Variants in SCAMP1 observed in about 807,000 individuals in gnomAD.
SCAMP1 encodes the protein secretory carrier-associated membrane protein 1.
In SCAMP1, 15 loss-of-function variants were observed where a neutral mutation model predicts 41.8. That is an observed-to-expected ratio of 0.36 (90% confidence interval 0.24 to 0.55). The LOEUF (loss-of-function observed/expected upper bound fraction) is 0.55. Ranked by LOEUF, SCAMP1 falls within the 20% of genes least tolerant of loss-of-function variation. The pLI is 0.86. For missense variants in SCAMP1, 341 were observed against 412.6 expected (o/e 0.83, Z 1.50); for synonymous variants, 135 against 136.8 (o/e 0.99, Z 0.09).
intron 6 of SCAMP1, among the ~76,000 whole-genome samples, chr5:78,439,066 G>A (rs1225684817): frequency 6.6e-6 from 1 of 152,084 alleles, no homozygotes; most frequent in African/African-American, 2.4e-5. Context: ...CCATTTGCTT[G>A]GTAGATCTTC....
In SCAMP1 at chr5:78,421,833, G is replaced by A. The variant is rs546816103; in HGVS notation, c.505G>A (p.Gly169Arg). ...HAVTLFLNIF[G>R]CLAWFCVDSA... ...AGTAACACTGTTTCTAAATATCTTC[G>A]GATGCTTGGCTTGGTTTTGTGTTGA... Residue 169 changes from glycine to arginine, a missense_variant, in exon 6 of 9, where the codon GGA becomes AGA. Physicochemically the swap from Gly to Arg is moderately radical, Grantham distance 125 (BLOSUM62 -2). Transcript: ENST00000621999. The A allele has an allele frequency of 2.5e-6, 4 of 1,613,564 alleles. No individual in the cohort carries two copies. Among genetic ancestry groups the A allele is most frequent in the Middle Eastern group, 1.7e-4 (1 of 6,056 alleles).
intron 2 of SCAMP1, among the ~76,000 whole-genome samples, chr5:78,412,836 A>G (rs922387054): frequency 2.0e-5 from 3 of 152,200 alleles, no homozygotes; most frequent in African/African-American, 4.8e-5. Flanking sequence ...CTAGTCCATG[A>G]TTTGACTTTT....
At chr5:78,391,313 G>C (rs369263145) in intron 2 of SCAMP1, among the ~76,000 whole-genome samples, 2 of 129,974 alleles carry the variant, frequency 1.5e-5, no homozygotes, top group Non-Finnish European at 3.4e-5. Flanking sequence ...CGGACGGGGC[G>C]GCTGGCCGGG....
rs1281432078 is a variant in SCAMP1 at position 78,389,033 on chromosome 5, A to G, written c.135+119A>G. The G allele has an allele frequency of 1.9e-5, 10 of 526,540 alleles. No homozygotes were observed. The East Asian group carries it at 3.2e-4, about 17-fold the overall frequency. The allele number at this position is 526,540 out of a possible 1,614,324, so 32.6% of individuals were successfully genotyped here. On this transcript the variant is annotated intron_variant, in intron 2 of 8. Coordinates refer to ENST00000621999, the MANE Select transcript of SCAMP1 (RefSeq NM_004866.6). Reference sequence around the variant, plus strand: ...AAATAAAACAAATTGTTAATGTTTTATTTAGTATTCAGCAAACTTGGATTT... The same window carrying G: ...AAATAAAACAAATTGTTAATGTTTTGTTTAGTATTCAGCAAACTTGGATTT...
intron 7 of SCAMP1, among the ~76,000 whole-genome samples, chr5:78,457,368 G>A (rs1171315558): frequency 4.6e-5 from 7 of 151,932 alleles, no homozygotes; most frequent in Non-Finnish European, 8.8e-5. Flanking sequence ...TTTTTGGTGT[G>A]GATGTCCTTT....
chr5:78,423,431 GTTTGT>G (rs377583093), intron 6 of SCAMP1, among the ~76,000 whole-genome samples: 157 of 152,116 alleles, frequency 1.0e-3, no homozygotes, highest in African/African-American at 3.3e-3. Context: ...TTTTTTGTTA[GTTTGT>G]TTTGTTTTGT....
chr5:78,458,624 G>A (rs1257258832), intron 7 of SCAMP1, among the ~76,000 whole-genome samples: 3 of 152,138 alleles, frequency 2.0e-5, no homozygotes, highest in Admixed American at 6.6e-5. Flanking sequence ...AGTGGCTCAC[G>A]CTATAATCCC....
chr5:78,441,094 A>G (rs548399123), intron 6 of SCAMP1, among the ~76,000 whole-genome samples: 40 of 152,310 alleles, frequency 2.6e-4, no homozygotes, highest in Non-Finnish European at 5.6e-4. Context: ...CCGATTTTCC[A>G]GGTACCATCT....
chr5:78,424,864 CTAT>C (rs1752427629), intron 6 of SCAMP1, among the ~76,000 whole-genome samples: 1 of 152,146 alleles, frequency 6.6e-6, no homozygotes, highest in Non-Finnish European at 1.5e-5. Context: ...TGTTGAGTAA[CTAT>C]TAGAAACAGA....
chr5:78,415,322 G>A (rs868081658), intron 2 of SCAMP1, among the ~76,000 whole-genome samples, 198 bp from the exon 3 acceptor site: 21 of 152,182 alleles, frequency 1.4e-4, no homozygotes, highest in Admixed American at 2.0e-4. Context: ...TCTGATTGTA[G>A]AGTTGAAAAA....
At position 78,379,432 on chromosome 5, in the gene SCAMP1, T is replaced by A. The variant is rs189442900; in HGVS notation, c.58-9405T>A. On this transcript the variant is annotated intron_variant, in intron 1 of 8. Transcript: ENST00000621999. ...TTAATTATGTAATAATTCAGAGATA[T>A]CAGTTCTTTACCTTCCTAAATCTAG... Among the ~76,000 whole-genome samples, 55 of 152,314 alleles carry A rather than the reference T, an allele frequency of 3.6e-4. No individual in the cohort carries two copies. The East Asian group carries it at 0.01, about 28-fold the overall frequency.
intron 8 of SCAMP1, among the ~76,000 whole-genome samples, chr5:78,473,564 C>T (rs761589220): frequency 2.0e-5 from 3 of 152,208 alleles, no homozygotes; most frequent in Non-Finnish European, 2.9e-5. Flanking sequence ...GACAGTTGAG[C>T]CTGTCATCCA....
chr5:78,405,608 T>C (rs1029900472), intron 2 of SCAMP1, among the ~76,000 whole-genome samples: 15 of 152,246 alleles, frequency 9.9e-5, no homozygotes, highest in African/African-American at 3.4e-4. Context: ...CTAGAATGTA[T>C]TTGTTCAATA....
intron 2 of SCAMP1, among the ~76,000 whole-genome samples, chr5:78,398,542 T>A (rs6889112): frequency 0.082 from 468 of 5,682 alleles, 8 homozygotes; most frequent in African/African-American, 0.22. Context: ...AGGTTCACTA[T>A]TTTTTTTTTT....
intron 2 of SCAMP1, among the ~76,000 whole-genome samples, chr5:78,397,172 A>G (rs1751673593): frequency 6.6e-6 from 1 of 152,240 alleles, no homozygotes. Flanking sequence ...ACAGCCCAGA[A>G]ATAAACACTT....
rs1017142607 is a variant in SCAMP1 at position 78,382,794 on chromosome 5, T to C, written c.58-6043T>C. 1.5e-3 allele frequency among the ~76,000 whole-genome samples: 192 copies of C among 127,582 alleles called. 1 individual carries two copies. Among genetic ancestry groups the C allele is most frequent in the African/African-American group, 5.3e-3 (186 of 35,342 alleles). The allele number at this position is 127,582 out of a possible 152,430, so 83.7% of individuals were successfully genotyped here. On this transcript the variant is annotated intron_variant, in intron 1 of 8. Transcript: ENST00000621999. ...ATTCCATGGTGTGTGTGTGTGTGTG[T>C]GTGTGTGTGTGTGTGTGTGTGTGTG...
intron 2 of SCAMP1, among the ~76,000 whole-genome samples, chr5:78,398,745 A>G (rs1191952923): frequency 6.6e-6 from 1 of 151,582 alleles, no homozygotes; most frequent in African/African-American, 2.4e-5. Flanking sequence ...GGGTTTCACC[A>G]TGTTGGCCAG....
intron 2 of SCAMP1, among the ~76,000 whole-genome samples, chr5:78,405,025 A>G (rs1751897595): frequency 1.3e-5 from 2 of 152,254 alleles, no homozygotes; most frequent in African/African-American, 4.8e-5. Flanking sequence ...TTTCTGCTAG[A>G]GAGCTTTTGC....
intron 2 of SCAMP1, among the ~76,000 whole-genome samples, 195 bp downstream of exon 2, chr5:78,389,109 T>C (rs149484256): frequency 9.8e-5 from 15 of 152,364 alleles, no homozygotes; most frequent in African/African-American, 3.6e-4. Flanking sequence ...ATGATGATCC[T>C]AGTGAAATAC....
Sources: gnomAD v4.1 joint callset for allele counts (sites outside exome capture counted in the v4.1 genomes callset) on GRCh38, gnomAD v4.1.1 for gene constraint, MANE v1.5 for transcripts, NCBI Gene and HGNC (gene_info 2026-07-23, HGNC 2026-07-21) for gene names.